The following MTHFD1 variants were observed in gnomAD, a reference collection of about 807,000 sequenced individuals.
The protein encoded by MTHFD1 is C-1-tetrahydrofolate synthase, cytoplasmic.
MTHFD1 carries 44 observed loss-of-function variants against 110.3 expected under a neutral mutation model. The observed-to-expected ratio is 0.40, with a 90% CI of 0.31 to 0.51. MTHFD1 has a LOEUF of 0.51. MTHFD1 is among the 20% of genes least tolerant of loss of function. MTHFD1 has a pLI of 0.60. For synonymous variants in MTHFD1, 402 were observed against 428.8 expected (o/e 0.94, Z 0.77); for missense variants, 909 against 1,173.1 (o/e 0.77, Z 3.29).
intron 1 of MTHFD1, among the ~76,000 whole-genome samples, chr14:64,398,745 A>G (rs2077875766): frequency 1.3e-5 from 2 of 152,220 alleles, no homozygotes; most frequent in South Asian, 4.1e-4. Flanking sequence ...GAATGAAGGA[A>G]GAGCTGTTTG....
At chr14:64,418,095 T>C (rs930682459) in intron 7 of MTHFD1, 71 bp downstream of exon 7, 54 of 1,559,672 alleles carry the variant, frequency 3.5e-5, no homozygotes, top group Non-Finnish European at 4.7e-5. Context: ...TGCCATGTCC[T>C]TTACACTCAT....
At chr14:64,451,847 G>A (rs1269076193) in intron 24 of MTHFD1, among the ~76,000 whole-genome samples, 2 of 152,190 alleles carry the variant, frequency 1.3e-5, no homozygotes, top group Non-Finnish European at 2.9e-5. Context: ...CTCCAGTTAT[G>A]AGATGCATAT....
chr14:64,398,546 C>CA (rs1250925224), intron 1 of MTHFD1, among the ~76,000 whole-genome samples: 5 of 151,992 alleles, frequency 3.3e-5, no homozygotes, highest in Non-Finnish European at 7.4e-5. Context: ...GACCCTGTCT[C>CA]AAAAAATAAA....
rs200979751 is a variant in MTHFD1, at chr14:64,388,445, C to T, written c.18C>T (p.Ile6=). The change falls in exon 1 of 28, where the codon ATC becomes ATT. Residue 6 remains isoleucine (I), a synonymous_variant. Coordinates refer to ENST00000652337, the MANE Select transcript of MTHFD1 (RefSeq NM_005956.4). The stretch of plus-strand genomic sequence containing the variant: ...TAAAGGCCATGGCGCCAGCAGAAAT[C>T]CTGAACGGGAAGGAGATCTCCGCGT... The part of the protein sequence containing the change: MAPAE[I]LNGKEISAQI... The T allele has an allele frequency of 7.1e-5, 115 of 1,614,116 alleles. No homozygotes were observed. In the East Asian group the frequency reaches 2.4e-3, roughly 34 times the overall value.
intron 11 of MTHFD1, 85 bp from the exon 12 acceptor site, chr14:64,427,252 T>C (rs1161701460): frequency 6.8e-7 from 1 of 1,470,304 alleles, no homozygotes; most frequent in Non-Finnish European, 9.4e-7. Flanking sequence ...TTACGAGTCA[T>C]TCTCTAGGAT....
rs753481325 is a variant in MTHFD1 at position 64,435,623 on chromosome 14, A to G, written c.1549A>G (p.Arg517Gly). ...CACACTGACAGATGAAGAGATAAAC[A>G]GATTTGCAAGATTGGACATTGATCC... ...PTTLTDEEIN[R>G]FARLDIDPET... The change falls in exon 16 of 28, where the codon AGA becomes GGA. Residue 517 changes from arginine to glycine, a missense_variant. By Grantham distance (125) the Arg-to-Gly change is moderately radical (BLOSUM62 -2). Coordinates refer to ENST00000652337, the MANE Select transcript of MTHFD1 (RefSeq NM_005956.4). The G allele has an allele frequency of 4.3e-6, 7 of 1,612,922 alleles. No individual in the cohort carries two copies. The highest frequency in any genetic ancestry group is 5.9e-6 in the Non-Finnish European group (7 of 1,178,890).
At chr14:64,425,036 T>A (rs986935487) in intron 9 of MTHFD1, 105 bp downstream of exon 9, 1 of 1,392,258 alleles carries the variant, frequency 7.2e-7, no homozygotes, top group Non-Finnish European at 1.0e-6. Context: ...GAAGTAAAGA[T>A]GTGAATTTAT....
intron 4 of MTHFD1, among the ~76,000 whole-genome samples, chr14:64,413,464 T>TA (rs1326775184): frequency 6.6e-6 from 1 of 152,192 alleles, no homozygotes; most frequent in African/African-American, 2.4e-5. Context: ...CAGCGGTGAT[T>TA]AAAGTCAGAA....
intron 4 of MTHFD1, among the ~76,000 whole-genome samples, chr14:64,413,187 A>G (rs1263834979): frequency 2.0e-5 from 3 of 151,850 alleles, no homozygotes; most frequent in Admixed American, 6.6e-5. Context: ...CCCTGTCTCT[A>G]CTAAAAAATA....
At chr14:64,426,314 G>T in intron 11 of MTHFD1, 122 bp downstream of exon 11, 1 of 1,102,322 alleles carries the variant, frequency 9.1e-7, no homozygotes, top group Admixed American at 1.9e-5. Flanking sequence ...ATTTTCACCC[G>T]TATTTGATCT....
chr14:64,389,682 T>C (rs1321307876), intron 1 of MTHFD1, among the ~76,000 whole-genome samples: 1 of 151,284 alleles, frequency 6.6e-6, no homozygotes, highest in Non-Finnish European at 1.5e-5. Context: ...CACTCCAGCC[T>C]GGGCAACAAG....
chr14:64,448,005 T>C, intron 22 of MTHFD1: 1 of 589,996 alleles, frequency 1.7e-6, no homozygotes, highest in Non-Finnish European at 3.0e-6. Flanking sequence ...TCTACTCTAG[T>C]GTCATAGGCT....
intron 1 of MTHFD1, among the ~76,000 whole-genome samples, chr14:64,396,242 T>G (rs1364121714): frequency 6.6e-6 from 1 of 152,176 alleles, no homozygotes; most frequent in South Asian, 2.1e-4. Context: ...TCAGTTTTCT[T>G]TCAACAAGAA....
At position 64,456,460 on chromosome 14, in the gene MTHFD1, A is replaced by AT. The variant is rs1052965044; in HGVS notation, c.2718+1591dup. Among the ~76,000 whole-genome samples, 99 of 151,950 alleles carry AT rather than the reference A, an allele frequency of 6.5e-4. 1 individual carries two copies. Among genetic ancestry groups the AT allele is most frequent in the African/African-American group, 2.4e-4 (10 of 41,450 alleles). On this transcript the variant is annotated intron_variant, in intron 26 of 27. Transcript: ENST00000652337. ...TACACATAATATTGTCTTTTTTTGT[A>AT]TTTTTTCTGATTATCAGTGACCAGT...
chr14:64,420,156 A>G (rs1448282980), intron 8 of MTHFD1, among the ~76,000 whole-genome samples: 1 of 152,156 alleles, frequency 6.6e-6, no homozygotes, highest in Non-Finnish European at 1.5e-5. Flanking sequence ...ACAGCTTCCA[A>G]GATGACTTTG....
chr14:64,433,842 C>T (rs377301763), intron 15 of MTHFD1, among the ~76,000 whole-genome samples: 21 of 151,086 alleles, frequency 1.4e-4, no homozygotes, highest in African/African-American at 5.1e-4. Flanking sequence ...ACCAGCCTGA[C>T]CAACATGGAG....
At chr14:64,452,434 C>T (rs923243446) in intron 24 of MTHFD1, among the ~76,000 whole-genome samples, 2 of 152,186 alleles carry the variant, frequency 1.3e-5, no homozygotes, top group Admixed American at 1.3e-4. Flanking sequence ...GCAACCTCTC[C>T]GTATGCTGTT....
chr14:64,400,947 C>T (rs2077890774), intron 2 of MTHFD1, 70 bp downstream of exon 2: 1 of 1,094,620 alleles, frequency 9.1e-7, no homozygotes, highest in East Asian at 2.5e-5. Flanking sequence ...AGACCTCTCC[C>T]TCTACTTTCC....
At chr14:64,441,663 G>A (rs762547431) in intron 19 of MTHFD1, 32 of 580,174 alleles carry the variant, frequency 5.5e-5, no homozygotes, top group Admixed American at 1.8e-4. Flanking sequence ...AAAATTAGCC[G>A]GGCATGGTGG....
Sources: gnomAD v4.1 joint callset for allele counts (sites outside exome capture counted in the v4.1 genomes callset) on GRCh38, gnomAD v4.1.1 for gene constraint, MANE v1.5 for transcripts, NCBI Gene and HGNC (gene_info 2026-07-23, HGNC 2026-07-21) for gene names.